Variants in PDCD6 observed in about 807,000 individuals in gnomAD.
PDCD6 encodes programmed cell death 6.
In PDCD6, 12 loss-of-function variants were observed where a neutral mutation model predicts 28.3. The observed-to-expected ratio is 0.42, with a 90% confidence interval of 0.27 to 0.69. The LOEUF (loss-of-function observed/expected upper bound fraction) is 0.69, where lower values mean the gene tolerates loss of function less well. Ranked by LOEUF, PDCD6 falls within the 30% of genes least tolerant of loss-of-function variation. The pLI is 0.22. For synonymous variants in PDCD6, 92 were observed against 108.0 expected (o/e 0.85, Z 0.92); for missense variants, 226 against 269.9 (o/e 0.84, Z 1.14).
rs1579538264 is a variant in PDCD6 at position 304,079 on chromosome 5, C to G, written c.164-98C>G. ...TCTAGAAAACCACTACCTTAGAGCC[C>G]CCACTGCTTTTCCTGGTGCCTCCAG... On this transcript the variant is annotated intron_variant, in intron 2 of 5. Transcript: ENST00000264933. The G allele has an allele frequency of 5.3e-5, 80 of 1,498,728 alleles. 3 individuals are homozygous for G. The highest frequency in any genetic ancestry group is 7.0e-5 in the Non-Finnish European group (78 of 1,107,864). The allele number at this position is 1,498,728 out of a possible 1,614,324, so 92.8% of individuals were successfully genotyped here.
chr5:272,278 C>T (rs7721724), intron 1 of PDCD6, among the ~76,000 whole-genome samples: 18,178 of 121,878 alleles, frequency 0.15, 2,102 homozygotes, highest in African/African-American at 0.36. Context: ...ATGTCAGCAG[C>T]CAAGGAAGAA....
At chr5:289,019 C>T (rs1357140903) in intron 2 of PDCD6, 26 of 1,270,266 alleles carry the variant, frequency 2.0e-5, no homozygotes, top group Non-Finnish European at 1.2e-6. Flanking sequence ...GTAAATCTTT[C>T]TCAGCTTGAG....
chr5:296,223 G>A (rs1270157149), intron 2 of PDCD6, among the ~76,000 whole-genome samples: 3 of 152,202 alleles, frequency 2.0e-5, no homozygotes, highest in African/African-American at 7.2e-5. Context: ...TTCAACACCA[G>A]ATCTGATCGG....
chr5:277,995 C>T (rs1738310443), intron 2 of PDCD6, among the ~76,000 whole-genome samples: 1 of 151,926 alleles, frequency 6.6e-6, no homozygotes, highest in Non-Finnish European at 1.5e-5. Flanking sequence ...ACTTTAATCT[C>T]ATACCCAGTT....
intron 5 of PDCD6, among the ~76,000 whole-genome samples, chr5:313,165 A>G (rs1172068108): frequency 6.6e-6 from 1 of 152,248 alleles, no homozygotes; most frequent in East Asian, 1.9e-4. Context: ...CCTAAACGCT[A>G]GACAGATGGG....
rs572525604 is a variant in PDCD6, at chr5:284,206, C to T, written c.163+11434C>T. 1.3e-4 allele frequency among the ~76,000 whole-genome samples: 20 copies of T among 150,402 alleles called. 2 individuals are homozygous for T. Among genetic ancestry groups the T allele is most frequent in the African/African-American group, 3.7e-4 (15 of 40,882 alleles). On this transcript the variant is annotated intron_variant, in intron 2 of 5. Transcript: ENST00000264933. ...GTTTGAAGGTCTTGCAGCTGCAGAC[C>T]GGGAGAGGAGCTGATGTTCTGGATT...
At chr5:294,396 G>T (rs62345250) in intron 2 of PDCD6, among the ~76,000 whole-genome samples, 36,207 of 146,624 alleles carry the variant, frequency 0.25, 6,719 homozygotes, top group African/African-American at 0.54. Flanking sequence ...GGCAGATATT[G>T]GAACAGAGGC....
At position 279,804 on chromosome 5, in the gene PDCD6, AAAC is replaced by A. The variant is rs201223789; in HGVS notation, c.163+7033_163+7035del. Among the ~76,000 whole-genome samples the A allele has an allele frequency of 5.9e-3, 720 of 122,832 alleles. 10 individuals carry two copies. Among genetic ancestry groups the A allele is most frequent in the African/African-American group, 0.038 (658 of 17,334 alleles). 80.6% of individuals were successfully genotyped at this position (122,832 alleles called of 152,430 possible). On this transcript the variant is annotated intron_variant, in intron 2 of 5. Transcript: ENST00000264933. ...ATGGCAAAAAAAAAAAAAAAAAAAA[AAAC>A]GAGGAGCCGGTGCTGCAGTTCATTA...
chr5:314,215 G>T (rs1282645153), intron 5 of PDCD6, among the ~76,000 whole-genome samples: 1 of 152,182 alleles, frequency 6.6e-6, no homozygotes, highest in African/African-American at 2.4e-5. Context: ...AGCCAGCCCC[G>T]CAGCCCTGTG....
Position 306,595 on chromosome 5 carries a change from G to A in PDCD6, c.209-7G>A, listed in dbSNP as rs772143819. The A allele has an allele frequency of 1.9e-5, 30 of 1,612,950 alleles. No individual in the cohort carries two copies. The African/African-American group carries it at 3.1e-4, about 17-fold the overall frequency. On this transcript the variant is annotated splice_region_variant and splice_polypyrimidine_tract_variant and intron_variant, in intron 3 of 5. Coordinates refer to ENST00000264933, the MANE Select transcript of PDCD6 (RefSeq NM_013232.4). ...TTTTGCTGCTTGACCGTTCCTCTCT[G>A]TCTCAGCCATGTTTGACCGTGAGAA...
At chr5:288,825 T>A (rs1325341174) in intron 2 of PDCD6, 1 of 1,353,390 alleles carries the variant, frequency 7.4e-7, no homozygotes, top group Non-Finnish European at 9.9e-7. Context: ...TCTAAATGTT[T>A]CTAAATAGTC....
At chr5:275,604 AAT>A (rs1193614672) in intron 2 of PDCD6, among the ~76,000 whole-genome samples, 2 of 152,350 alleles carry the variant, frequency 1.3e-5, no homozygotes, top group African/African-American at 2.4e-5. Context: ...CTTCTCAACC[AAT>A]ATGATTCACA....
At chr5:271,899 C>G in intron 1 of PDCD6, 78 bp downstream of exon 1, 1 of 738,318 alleles carries the variant, frequency 1.4e-6, no homozygotes, top group Middle Eastern at 4.3e-4. Flanking sequence ...CCCCGACCAA[C>G]CCCGTTCCCT....
rs1737816525 is a variant in PDCD6, at chr5:271,768, T to G, written c.48T>G (p.Pro16=). 6.7e-7 allele frequency: 1 copy of G among 1,496,650 alleles called. No homozygotes were observed. The highest frequency in any genetic ancestry group is 8.9e-7 in the Non-Finnish European group (1 of 1,129,546). 92.7% of individuals were successfully genotyped at this position (1,496,650 alleles called of 1,614,324 possible). ...YRPGPGAGPG[P]AAGAALPDQS... ...CCGGCCCTGGGGCCGGCCCTGGGCC[T>G]GCTGCAGGCGCGGCGCTGCCGGACC... Residue 16 remains proline, a synonymous_variant, in exon 1 of 6, where the codon CCT becomes CCG. Coordinates refer to ENST00000264933, the MANE Select transcript of PDCD6 (RefSeq NM_013232.4).
At chr5:309,626 C>A (rs111591757) in intron 4 of PDCD6, 4 of 191,782 alleles carry the variant, frequency 2.1e-5, no homozygotes, top group Admixed American at 7.7e-5. Flanking sequence ...GGCCGCCGTC[C>A]CCGTGCACAC....
chr5:295,076 T>C (rs865804823), intron 2 of PDCD6, among the ~76,000 whole-genome samples: 7 of 152,070 alleles, frequency 4.6e-5, no homozygotes, highest in South Asian at 2.1e-4. Context: ...CACCTCACTG[T>C]GGGCTGCTGC....
intron 5 of PDCD6, among the ~76,000 whole-genome samples, chr5:313,171 A>C (rs1741036798): frequency 1.3e-5 from 2 of 152,244 alleles, no homozygotes; most frequent in Admixed American, 1.3e-4. Context: ...CGCTAGACAG[A>C]TGGGGAATGG....
intron 2 of PDCD6, among the ~76,000 whole-genome samples, chr5:297,065 A>T (rs1739664855): frequency 6.6e-6 from 1 of 152,238 alleles, no homozygotes; most frequent in Non-Finnish European, 1.5e-5. Context: ...CTGGAGGCTC[A>T]GCCCACACTG....
At chr5:297,344 A>T (rs1322085483) in intron 2 of PDCD6, among the ~76,000 whole-genome samples, 16 of 152,376 alleles carry the variant, frequency 1.1e-4, no homozygotes, top group Non-Finnish European at 2.1e-4. Flanking sequence ...CGTTACCCTT[A>T]AAAAGTAAAG....
Sources: gnomAD v4.1 joint callset for allele counts (sites outside exome capture counted in the v4.1 genomes callset) on GRCh38, gnomAD v4.1.1 for gene constraint, MANE v1.5 for transcripts, NCBI Gene and HGNC (gene_info 2026-07-23, HGNC 2026-07-21) for gene names.